Variants in PREX1 observed in about 807,000 individuals in gnomAD.
The protein encoded by PREX1 is phosphatidylinositol-3,4,5-trisphosphate dependent Rac exchange factor 1.
In PREX1, 41 loss-of-function variants were observed where a neutral mutation model predicts 198.3. The observed-to-expected ratio is 0.21, with a 90% CI of 0.16 to 0.27. The LOEUF is 0.27. PREX1 is among the 10% of genes least tolerant of loss of function. The pLI is 1.00. For synonymous variants in PREX1, 843 were observed against 887.2 expected (o/e 0.95, Z 0.89); for missense variants, 1,620 against 2,200.7 (o/e 0.74, Z 5.28).
At chr20:48,654,318 C>T (rs546432757) in intron 19 of PREX1, among the ~76,000 whole-genome samples, 6 of 152,328 alleles carry the variant, frequency 3.9e-5, no homozygotes, top group African/African-American at 9.6e-5. Context: ...TTCTTTTTAC[C>T]GTCTTTGCCT....
chr20:48,859,884 G>T, the PREX1 span, among the ~76,000 whole-genome samples: 2 of 152,198 alleles, frequency 1.3e-5, no homozygotes, highest in Admixed American at 6.5e-5. Context: ...CAGGCATGGT[G>T]GCGCATGCTT....
At chr20:48,795,955 G>T (rs562244573) in intron 1 of PREX1, among the ~76,000 whole-genome samples, 1 of 152,132 alleles carries the variant, frequency 6.6e-6, no homozygotes, top group African/African-American at 2.4e-5. Context: ...GGTTCACATC[G>T]ATGTGTGGCA....
Position 48,649,263 on chromosome 20 carries a change from C to A in PREX1, c.3305+37G>T, listed in dbSNP as rs1284079600. The stretch of plus-strand genomic sequence containing the variant: ...GTAAGGCCAGGATTGAGAACACCTG[C>A]CCCTGCTCACGCCGGACACCCCCGG... On this transcript the variant is annotated intron_variant, in intron 25 of 39. Coordinates refer to ENST00000371941, the MANE Select transcript of PREX1 (RefSeq NM_020820.4). 3.1e-6 allele frequency: 5 copies of A among 1,593,792 alleles called. No individual in the cohort carries two copies. The African/African-American group carries it at 5.4e-5, about 17-fold the overall frequency.
intron 6 of PREX1, among the ~76,000 whole-genome samples, chr20:48,706,042 A>G (rs371798901): frequency 4.0e-4 from 61 of 152,350 alleles, no homozygotes; most frequent in African/African-American, 1.4e-3. Flanking sequence ...TGTAACAGGT[A>G]CTAAATAACT....
intron 7 of PREX1, among the ~76,000 whole-genome samples, chr20:48,698,227 T>G (rs1032105005): frequency 6.6e-6 from 1 of 152,108 alleles, no homozygotes; most frequent in African/African-American, 2.4e-5. Flanking sequence ...GGGAGCCCAC[T>G]TGGAATCCAG....
chr20:48,666,468 T>C lies in PREX1; in HGVS notation c.1666-113A>G. The C allele has an allele frequency of 1.2e-6, 1 of 801,020 alleles. No individual in the cohort carries two copies. Among genetic ancestry groups the C allele is most frequent in the Non-Finnish European group, 2.0e-6 (1 of 489,528 alleles). The allele number at this position is 801,020 out of a possible 1,614,324, so 49.6% of individuals were successfully genotyped here. A position where few individuals can be genotyped will look rare whatever the true frequency, so the allele number is the denominator to read the frequency against. On this transcript the variant is annotated intron_variant, in intron 14 of 39. Transcript: ENST00000371941. The surrounding 1 kb of genome is among the most constrained non-coding windows in gnomAD (Gnocchi z 4.3). ...AGGTAGGCTCCACGAGGGCCAGGGG[T>C]TGTCTGTTTTGTTTACTGCAGTAAC... is the stretch of plus-strand genomic sequence containing the variant.
rs534756287 is a variant in PREX1 at position 48,708,380 on chromosome 20, G to A, written c.663C>T (p.Pro221=). 14 of 1,614,146 alleles carry A rather than the reference G, an allele frequency of 8.7e-6. No homozygotes were observed. Among genetic ancestry groups the A allele is most frequent in the African/African-American group, 2.7e-5 (2 of 75,038 alleles). The change falls in exon 6 of 40, where the codon CCC becomes CCT. Residue 221 remains proline (P), a synonymous_variant. Coordinates refer to ENST00000371941, the MANE Select transcript of PREX1 (RefSeq NM_020820.4). ...KRTPGKHPDH[P]AVQSALQAMK... ...TGGCCTGCAGGGCACTCTGGACCGC[G>A]GGGTGGTCTGGGTGCTTGCCGGGAG...
intron 1 of PREX1, among the ~76,000 whole-genome samples, chr20:48,772,206 A>G (rs1044273509): frequency 7.0e-6 from 1 of 142,328 alleles, no homozygotes; most frequent in African/African-American, 2.5e-5. Context: ...AAATAAATAA[A>G]TAAATAAAAT....
intron 14 of PREX1, among the ~76,000 whole-genome samples, chr20:48,670,361 G>C (rs1401969227): frequency 1.3e-5 from 2 of 151,800 alleles, no homozygotes; most frequent in Admixed American, 1.3e-4. Context: ...CTGGTAGTGG[G>C]AGCCCACGTG....
At position 48,718,175 on chromosome 20, in the gene PREX1, G is replaced by A. The variant is rs117789595; in HGVS notation, c.621+8115C>T. Among the ~76,000 whole-genome samples, 144 of 152,310 alleles carry A rather than the reference G, an allele frequency of 9.5e-4. No homozygotes were observed. The Middle Eastern group carries it at 0.01, about 11-fold the overall frequency. Reference sequence around the variant, plus strand: ...GTGGTAGGTCTCTACTGACCCTCCAGGCTCTGACATTCAGGAGCTCTATAT... The same window carrying A: ...GTGGTAGGTCTCTACTGACCCTCCAAGCTCTGACATTCAGGAGCTCTATAT... On this transcript the variant is annotated intron_variant, in intron 5 of 39. Transcript: ENST00000371941.
intron 1 of PREX1, among the ~76,000 whole-genome samples, chr20:48,774,746 G>C (rs569492401): frequency 6.6e-6 from 1 of 152,218 alleles, no homozygotes; most frequent in Non-Finnish European, 1.5e-5. Context: ...GGACCCGCAC[G>C]GCTGAAACCA....
chr20:48,689,284 C>T (rs2089804011), intron 9 of PREX1, among the ~76,000 whole-genome samples: 1 of 152,176 alleles, frequency 6.6e-6, no homozygotes, highest in Non-Finnish European at 1.5e-5. Context: ...TGTTTTGACC[C>T]CCATCTAATT....
rs1168247790 is a variant in PREX1 at position 48,661,419 on chromosome 20, C to CAAAAA, written c.1739-1363_1739-1359dup. On this transcript the variant is annotated intron_variant, in intron 15 of 39. Transcript: ENST00000371941. ...GGGCAACAAGAGCAAAACTCCATCT[C>CAAAAA]AAAAAAAAAAAAAAAAAAAAAAAAA... is the stretch of plus-strand genomic sequence containing the variant. 2.2e-3 allele frequency among the ~76,000 whole-genome samples: 27 copies of CAAAAA among 12,022 alleles called. 5 individuals carry two copies. The highest frequency in any genetic ancestry group is 7.4e-3 in the African/African-American group (18 of 2,426). The allele number at this position is 12,022 out of a possible 152,430, so 7.9% of individuals were successfully genotyped here.
chr20:48,713,873 A>G (rs904000355), intron 5 of PREX1, among the ~76,000 whole-genome samples: 60 of 77,174 alleles, frequency 7.8e-4, no homozygotes, highest in African/African-American at 1.2e-3. Flanking sequence ...AAAAAAAAAA[A>G]AAAGAAAATC....
At chr20:48,781,605 C>T (rs2090290159) in intron 1 of PREX1, among the ~76,000 whole-genome samples, 1 of 152,082 alleles carries the variant, frequency 6.6e-6, no homozygotes, top group Admixed American at 6.6e-5. Context: ...CCCCCTGCCT[C>T]ATCCCCCTAA....
intron 1 of PREX1, among the ~76,000 whole-genome samples, chr20:48,781,323 G>C (rs1231572797): frequency 6.6e-6 from 1 of 152,106 alleles, no homozygotes; most frequent in African/African-American, 2.4e-5. Context: ...CAACGTAATG[G>C]GAAGCTGGGT....
At chr20:48,636,880 C>G (rs1601031828) in intron 31 of PREX1, among the ~76,000 whole-genome samples, 197 bp from the exon 32 acceptor site, 1 of 152,228 alleles carries the variant, frequency 6.6e-6, no homozygotes, top group African/African-American at 2.4e-5. Flanking sequence ...GAAAAGCAAG[C>G]CCATTTGCCA....
At chr20:48,633,039 G>A (rs2089328259) in intron 33 of PREX1, among the ~76,000 whole-genome samples, 1 of 152,204 alleles carries the variant, frequency 6.6e-6, no homozygotes, top group African/African-American at 2.4e-5. Flanking sequence ...GGGAAAAGCT[G>A]CCCTCAAACA....
chr20:48,803,821 C>T (rs2090398249), intron 1 of PREX1, among the ~76,000 whole-genome samples: 1 of 152,208 alleles, frequency 6.6e-6, no homozygotes, highest in South Asian at 2.1e-4. Flanking sequence ...GGTCCATGAC[C>T]TCAAGGTCAG....
Sources: allele counts gnomAD v4.1 joint callset (sites outside exome capture counted in the v4.1 genomes callset), GRCh38; gene constraint gnomAD v4.1.1; non-coding constraint Gnocchi (gnomAD v3.1); transcripts MANE v1.5; gene names NCBI Gene and HGNC (gene_info 2026-07-23, HGNC 2026-07-21).